Variants in ST3GAL2 observed in about 807,000 individuals in gnomAD.
ST3GAL2 encodes the protein CMP-N-acetylneuraminate-beta-galactosamide-alpha-2,3-sialyltransferase 2.
In ST3GAL2, 16 loss-of-function variants were observed where a neutral mutation model predicts 37.5. The ratio of observed to expected loss-of-function variants is 0.43; its 90% CI spans 0.29 to 0.65. The LOEUF is 0.65. Among genes scored for constraint, ST3GAL2 ranks in the 30% least tolerant of loss-of-function variants. The pLI is 0.17. For synonymous variants in ST3GAL2, 238 were observed against 202.9 expected (o/e 1.17, Z -1.47); for missense variants, 383 against 487.8 (o/e 0.79, Z 2.02).
At chr16:70,435,355 G>A (rs958946811) in intron 1 of ST3GAL2, among the ~76,000 whole-genome samples, 2 of 152,112 alleles carry the variant, frequency 1.3e-5, no homozygotes, top group South Asian at 2.1e-4. Flanking sequence ...CAGCACTTTC[G>A]GAGGCTCCAG....
intron 1 of ST3GAL2, among the ~76,000 whole-genome samples, chr16:70,418,390 C>T (rs939820873): frequency 2.0e-5 from 3 of 152,172 alleles, no homozygotes; most frequent in Admixed American, 2.0e-4. Flanking sequence ...GGAGGGCTGT[C>T]CCTTCCAAAG....
Position 70,395,189 on chromosome 16 carries a change from G to A in ST3GAL2, c.340-14C>T. On this transcript the variant is annotated splice_polypyrimidine_tract_variant and intron_variant, in intron 2 of 6. Transcript: ENST00000342907. ...GGGCTGCAGCATCTGTGGAAGGGAG[G>A]GGAAGATGGGAAACGAGGAAGGGGA... The A allele has an allele frequency of 6.3e-7, 1 of 1,588,666 alleles. No individual in the cohort carries two copies.
At chr16:70,429,073 T>C (rs549818309) in intron 1 of ST3GAL2, among the ~76,000 whole-genome samples, 6 of 152,326 alleles carry the variant, frequency 3.9e-5, no homozygotes, top group Non-Finnish European at 7.3e-5. Context: ...AACTACTGGA[T>C]GCAGGGGAAC....
intron 1 of ST3GAL2, among the ~76,000 whole-genome samples, chr16:70,405,512 G>C (rs2047584603): frequency 7.2e-6 from 1 of 139,118 alleles, no homozygotes; most frequent in African/African-American, 2.8e-5. Context: ...CTGCACTCCA[G>C]CCTGGGTGAC....
chr16:70,421,182 G>A (rs2047711968), intron 1 of ST3GAL2, among the ~76,000 whole-genome samples: 1 of 152,234 alleles, frequency 6.6e-6, no homozygotes, highest in African/African-American at 2.4e-5. Flanking sequence ...CTCCAGCTGA[G>A]CAGTCTTCCT....
At chr16:70,418,335 C>G (rs1178906250) in intron 1 of ST3GAL2, among the ~76,000 whole-genome samples, 1 of 152,116 alleles carries the variant, frequency 6.6e-6, no homozygotes, top group Non-Finnish European at 1.5e-5. Context: ...CTCCAGCCTA[C>G]CACAAAGTCA....
intron 1 of ST3GAL2, among the ~76,000 whole-genome samples, chr16:70,437,337 G>A (rs1381838541): frequency 6.6e-6 from 1 of 152,118 alleles, no homozygotes; most frequent in Non-Finnish European, 1.5e-5. Context: ...CAAGGGGGAG[G>A]GCTGGGAAGG....
intron 1 of ST3GAL2, among the ~76,000 whole-genome samples, chr16:70,422,319 T>C (rs931876252): frequency 9.9e-5 from 15 of 152,150 alleles, no homozygotes; most frequent in Admixed American, 1.3e-4. Context: ...TTCAGCCTCA[T>C]AGAGAGGAAG....
At chr16:70,406,222 T>A (rs2047591393) in intron 1 of ST3GAL2, among the ~76,000 whole-genome samples, 1 of 152,004 alleles carries the variant, frequency 6.6e-6, no homozygotes, top group Non-Finnish European at 1.5e-5. Flanking sequence ...GGTGGGCAGA[T>A]CACCTGGGGT....
intron 1 of ST3GAL2, among the ~76,000 whole-genome samples, chr16:70,437,990 C>A (rs956952822): frequency 6.6e-6 from 1 of 152,228 alleles, no homozygotes; most frequent in Non-Finnish European, 1.5e-5. Flanking sequence ...TCTCTAGCCC[C>A]TTTCTCCAAC....
intron 4 of ST3GAL2, among the ~76,000 whole-genome samples, chr16:70,384,340 A>G (rs772266347): frequency 1.3e-5 from 2 of 152,244 alleles, no homozygotes; most frequent in Non-Finnish European, 2.9e-5. Context: ...CTATGAGGAC[A>G]TTATGCTAAG....
At chr16:70,400,828 C>T (rs1397541260) in intron 1 of ST3GAL2, 2 of 152,192 alleles carry the variant, frequency 1.3e-5, no homozygotes, top group Admixed American at 6.5e-5. Context: ...TTCTCAGGGT[C>T]GAAAGTGAAG....
At position 70,380,641 on chromosome 16, in the gene ST3GAL2, C is replaced by CCAGCTCAGA. The variant is rs1266055492; in HGVS notation, c.*1039_*1047dup. The CCAGCTCAGA allele has an allele frequency of 6.6e-6, 1 of 152,404 alleles. No homozygotes were observed. Among genetic ancestry groups the CCAGCTCAGA allele is most frequent in the Non-Finnish European group, 1.5e-5 (1 of 68,178 alleles). 9.4% of individuals were successfully genotyped at this position (152,404 alleles called of 1,614,324 possible). A position where few individuals can be genotyped will look rare whatever the true frequency, so the allele number is the denominator to read the frequency against. ...GGCCGGCTCCCGGCTGCGAGCTCTG[C>CCAGCTCAGA]CAGCTCAGAATTTGCAAAGAATCTG... On this transcript the variant is annotated 3_prime_UTR_variant, in exon 7 of 7. Transcript: ENST00000342907.
Position 70,388,514 on chromosome 16 carries a change from T to C in ST3GAL2, c.566A>G (p.Gln189Arg), listed in dbSNP as rs1349198857. 1 of 1,608,600 alleles carries C rather than the reference T, an allele frequency of 6.2e-7. No individual in the cohort carries two copies. The highest frequency in any genetic ancestry group is 2.2e-5 in the East Asian group (1 of 44,736). Residue 189 changes from glutamine to arginine, a missense_variant, in exon 4 of 7, where the codon CAG (glutamine) becomes CGG (arginine). Around this residue, in one of 2 missense-constraint regions of ST3GAL2, gnomAD observed 160 missense variants for 248.6 expected, o/e 0.64. Coordinates refer to ENST00000342907, the MANE Select transcript of ST3GAL2 (RefSeq NM_006927.4). Reference protein sequence around the residue: ...MNQAPTVGFEQDVGSRTTHHF... With the variant: ...MNQAPTVGFERDVGSRTTHHF... ...GTGGGTGGTTCGGCTGCCAACATCC[T>C]GCTCAAAGCCCACGGTTGGCGCCTG...
chr16:70,408,890 CAAAAAAAAAAAAAAAAAAAAAAAAAAAAA>C (rs59060353), intron 1 of ST3GAL2, among the ~76,000 whole-genome samples: 3 of 59,854 alleles, frequency 5.0e-5, no homozygotes, highest in African/African-American at 1.6e-4. Flanking sequence ...CTCAAAGAAA[CAAAAAAAAAAAAAAAAAAAAAAAAAAAAA>C]AAAAAAAAGA....
At position 70,377,390 on chromosome 16, in the gene ST3GAL2, G is replaced by C. The variant is rs182822479; in HGVS notation, c.*4299C>G. 6.7e-6 allele frequency: 1 copy of C among 149,188 alleles called. No individual in the cohort carries two copies. Among genetic ancestry groups the C allele is most frequent in the Non-Finnish European group, 1.5e-5 (1 of 67,704 alleles). 9.2% of individuals were successfully genotyped at this position (149,188 alleles called of 1,614,324 possible). A position where few individuals can be genotyped will look rare whatever the true frequency, so the allele number is the denominator to read the frequency against. On this transcript the variant is annotated 3_prime_UTR_variant, in exon 7 of 7. Transcript: ENST00000342907. The stretch of plus-strand genomic sequence containing the variant: ...AGCTACTCAGGAGGCTGAGACAGGA[G>C]AATGGTGTGAACCCGGGAGGCGGAG...
At chr16:70,436,868 A>C (rs1273062304) in intron 1 of ST3GAL2, among the ~76,000 whole-genome samples, 2 of 152,170 alleles carry the variant, frequency 1.3e-5, no homozygotes, top group East Asian at 3.9e-4. Context: ...ATAAGGCAGG[A>C]TGTGGTATAG....
chr16:70,420,311 G>T (rs867877128), intron 1 of ST3GAL2, among the ~76,000 whole-genome samples: 64 of 152,226 alleles, frequency 4.2e-4, no homozygotes, highest in African/African-American at 1.4e-3. Flanking sequence ...ATATTACAAG[G>T]CCTACATGGA....
intron 1 of ST3GAL2, among the ~76,000 whole-genome samples, chr16:70,405,106 A>T (rs1470678357): frequency 6.6e-6 from 1 of 152,200 alleles, no homozygotes; most frequent in African/African-American, 2.4e-5. Context: ...ACATGGAAAC[A>T]ACTCAAAGTT....
Sources: allele counts gnomAD v4.1 joint callset (sites outside exome capture counted in the v4.1 genomes callset), GRCh38; gene constraint gnomAD v4.1.1; regional missense constraint gnomAD v4.1.1; transcripts MANE v1.5; gene names NCBI Gene and HGNC (gene_info 2026-07-23, HGNC 2026-07-21).